B3GLCT: variants seen among roughly 807,000 people sequenced by gnomAD.
B3GLCT encodes beta 3-glucosyltransferase.
Under a neutral mutation model 63.4 loss-of-function variants are expected in B3GLCT, and 65 were observed. The ratio of observed to expected loss-of-function variants is 1.03; its 90% CI spans 0.84 to 1.26. The LOEUF is 1.26. Ranked by LOEUF, B3GLCT falls within the 50% of genes most tolerant of loss-of-function variation. The pLI, the probability that B3GLCT is intolerant of heterozygous loss-of-function variation, is 0.00. For missense variants in B3GLCT, 577 were observed against 604.8 expected (o/e 0.95, Z 0.48); for synonymous variants, 233 against 219.2 (o/e 1.06, Z -0.55).
chr13:31,200,232 G>A lies in B3GLCT; in HGVS notation c.70+78G>A, dbSNP rs1444273915. 5 of 949,030 alleles carry A rather than the reference G, an allele frequency of 5.3e-6. No homozygotes were observed. The South Asian group carries it at 1.4e-4, about 27-fold the overall frequency. The allele number at this position is 949,030 out of a possible 1,614,324, so 58.8% of individuals were successfully genotyped here. On this transcript the variant is annotated intron_variant, in intron 1 of 14. Transcript: ENST00000343307. Reference sequence around the variant, plus strand: ...CAGTCGCCCGTGCCCCGGTCGGCGCGGGGAGGGAGGCGCAGGGCGGCCCAG... The same window carrying A: ...CAGTCGCCCGTGCCCCGGTCGGCGCAGGGAGGGAGGCGCAGGGCGGCCCAG...
At chr13:31,206,044 A>C (rs1404101169) in intron 1 of B3GLCT, among the ~76,000 whole-genome samples, 1 of 152,256 alleles carries the variant, frequency 6.6e-6, no homozygotes, top group Non-Finnish European at 1.5e-5. Context: ...AAGGCTCTTT[A>C]CACATCACGT....
intron 4 of B3GLCT, among the ~76,000 whole-genome samples, chr13:31,231,090 T>G (rs1870358276): frequency 6.6e-6 from 1 of 152,188 alleles, no homozygotes; most frequent in African/African-American, 2.4e-5. Context: ...TGGATTTTAT[T>G]AGAGAGGCAG....
chr13:31,207,035 A>G (rs1463821533), intron 1 of B3GLCT, among the ~76,000 whole-genome samples: 6 of 152,204 alleles, frequency 3.9e-5, no homozygotes, highest in Admixed American at 2.0e-4. Flanking sequence ...ATAAGTTTCT[A>G]AAGGCTTAGA....
At chr13:31,277,104 G>A (rs1309016178) in intron 10 of B3GLCT, among the ~76,000 whole-genome samples, 3 of 152,138 alleles carry the variant, frequency 2.0e-5, no homozygotes, top group Admixed American at 6.5e-5. Context: ...AGGTCTGTGC[G>A]CAGTCTCTAA....
intron 14 of B3GLCT, among the ~76,000 whole-genome samples, chr13:31,328,610 T>C (rs1462279701): frequency 6.8e-6 from 1 of 146,896 alleles, no homozygotes; most frequent in Non-Finnish European, 1.5e-5. Flanking sequence ...GGAGAATCGC[T>C]TGAACCCGGG....
chr13:31,264,350 C>T (rs543780802), intron 7 of B3GLCT, among the ~76,000 whole-genome samples: 1 of 152,258 alleles, frequency 6.6e-6, no homozygotes, highest in Admixed American at 6.5e-5. Context: ...GAGTGAGGCA[C>T]CAGATAGCCT....
At chr13:31,313,870 G>A (rs1189547487) in intron 12 of B3GLCT, among the ~76,000 whole-genome samples, 1 of 152,146 alleles carries the variant, frequency 6.6e-6, no homozygotes, top group Non-Finnish European at 1.5e-5. Flanking sequence ...AAAGTGGTTT[G>A]TTTCGTGGGC....
intron 13 of B3GLCT, among the ~76,000 whole-genome samples, chr13:31,319,805 C>A (rs966402312): frequency 2.0e-5 from 3 of 152,218 alleles, no homozygotes; most frequent in African/African-American, 7.2e-5. Flanking sequence ...ACACTCAACA[C>A]CTTGTCATTT....
At chr13:31,320,729 C>T (rs1875292015) in intron 13 of B3GLCT, among the ~76,000 whole-genome samples, 1 of 151,294 alleles carries the variant, frequency 6.6e-6, no homozygotes, top group African/African-American at 2.4e-5. Flanking sequence ...TAGCCTCATC[C>T]ATCTACACCC....
intron 4 of B3GLCT, among the ~76,000 whole-genome samples, chr13:31,240,316 C>T (rs927773087): frequency 6.6e-6 from 1 of 152,118 alleles, no homozygotes; most frequent in Non-Finnish European, 1.5e-5. Flanking sequence ...ACTGACACTT[C>T]TAATTTTGTA....
intron 1 of B3GLCT, 24 bp downstream of exon 1, chr13:31,200,178 G>A (rs1282436174): frequency 3.1e-6 from 4 of 1,277,014 alleles, no homozygotes; most frequent in South Asian, 3.7e-5. Context: ...GGCCAGGCGC[G>A]CAAGGGCGAG....
At chr13:31,251,297 A>G (rs2137812366) in intron 6 of B3GLCT, among the ~76,000 whole-genome samples, 1 of 152,328 alleles carries the variant, frequency 6.6e-6, no homozygotes, top group Non-Finnish European at 1.5e-5. Context: ...CAAAAACCAG[A>G]ACACCTCTTC....
At chr13:31,224,124 G>A (rs568294658) in intron 3 of B3GLCT, among the ~76,000 whole-genome samples, 8 of 152,266 alleles carry the variant, frequency 5.3e-5, no homozygotes, top group African/African-American at 1.7e-4. Flanking sequence ...TCTTGGGCAC[G>A]CATATCTAGG....
chr13:31,223,888 A>T (rs992501791), intron 3 of B3GLCT, among the ~76,000 whole-genome samples: 2 of 152,156 alleles, frequency 1.3e-5, no homozygotes, highest in African/African-American at 4.8e-5. Context: ...CTCCAGTTTC[A>T]TGATGGATAA....
intron 4 of B3GLCT, among the ~76,000 whole-genome samples, chr13:31,243,285 T>C (rs1338559932): frequency 2.0e-5 from 3 of 152,172 alleles, no homozygotes; most frequent in Non-Finnish European, 4.4e-5. Flanking sequence ...CTTCTAGGTT[T>C]AGAGGTTAAA....
intron 12 of B3GLCT, among the ~76,000 whole-genome samples, chr13:31,290,288 C>T (rs570622179): frequency 5.9e-5 from 9 of 152,250 alleles, no homozygotes; most frequent in African/African-American, 2.2e-4. Context: ...GGGTTGGTTC[C>T]AAGTCTTTGC....
intron 1 of B3GLCT, among the ~76,000 whole-genome samples, chr13:31,210,480 T>C (rs1283029914): frequency 6.6e-6 from 1 of 152,234 alleles, no homozygotes; most frequent in Non-Finnish European, 1.5e-5. Flanking sequence ...GATCTTTCCC[T>C]CACTCCTTCT....
intron 13 of B3GLCT, among the ~76,000 whole-genome samples, chr13:31,318,850 T>A (rs1432408548): frequency 6.6e-6 from 1 of 152,218 alleles, no homozygotes; most frequent in African/African-American, 2.4e-5. Flanking sequence ...TATAGCATGA[T>A]GGCGTTCATA....
intron 12 of B3GLCT, among the ~76,000 whole-genome samples, chr13:31,316,410 TA>T (rs1875022474): frequency 1.1e-5 from 1 of 93,972 alleles, no homozygotes; most frequent in Non-Finnish European, 2.2e-5. Flanking sequence ...GGAGGTTTTA[TA>T]TATATATATA....
Sources: gnomAD v4.1 joint callset for allele counts (sites outside exome capture counted in the v4.1 genomes callset) on GRCh38, gnomAD v4.1.1 for gene constraint, MANE v1.5 for transcripts, NCBI Gene and HGNC (gene_info 2026-07-23, HGNC 2026-07-21) for gene names.